Variants in MBD5 observed in about 807,000 individuals in gnomAD.
MBD5 encodes the protein methyl-CpG binding domain protein 5, also known as methyl-CpG-binding domain protein 5.
A neutral mutation model predicts 117.3 loss-of-function variants in MBD5; 13 were observed. The observed-to-expected ratio is 0.11, with a 90% CI of 0.07 to 0.18. The LOEUF is 0.18. Among genes scored for constraint, MBD5 ranks in the 10% least tolerant of loss-of-function variants. MBD5 has a pLI of 1.00. For missense variants in MBD5, 1,879 were observed against 2,093.8 expected, an observed-to-expected ratio of 0.90 and a Z score of 2.00; for synonymous variants, 727 against 766.4, an observed-to-expected ratio of 0.95 and a Z score of 0.85.
intron 4 of MBD5, among the ~76,000 whole-genome samples, chr2:148,383,511 G>A (rs1001810196): frequency 3.3e-5 from 5 of 151,978 alleles, no homozygotes; most frequent in African/African-American, 9.7e-5. Context: ...ATTCACAGTC[G>A]AATTCTACCA....
At chr2:148,405,033 G>A (rs918325590) in intron 4 of MBD5, among the ~76,000 whole-genome samples, 2 of 152,030 alleles carry the variant, frequency 1.3e-5, no homozygotes, top group Non-Finnish European at 2.9e-5. Flanking sequence ...TTCTGGACTT[G>A]ATAAACATTT....
intron 3 of MBD5, among the ~76,000 whole-genome samples, chr2:148,315,506 A>C (rs993268728): frequency 1.3e-5 from 2 of 152,208 alleles, no homozygotes; most frequent in Non-Finnish European, 2.9e-5. Flanking sequence ...AAGATGCTTC[A>C]TGTTTATCCT....
chr2:148,221,339 T>C (rs182411771), intron 2 of MBD5, among the ~76,000 whole-genome samples: 1 of 152,112 alleles, frequency 6.6e-6, no homozygotes, highest in African/African-American at 2.4e-5. Context: ...TTGAGGAACC[T>C]CCAGACTGTT....
At chr2:148,363,878 C>A (rs1445254465) in intron 4 of MBD5, among the ~76,000 whole-genome samples, 1 of 152,108 alleles carries the variant, frequency 6.6e-6, no homozygotes, top group Non-Finnish European at 1.5e-5. Flanking sequence ...GATTGGTGTA[C>A]CTGAAAGTGA....
intron 2 of MBD5, among the ~76,000 whole-genome samples, chr2:148,232,501 G>A (rs931081763): frequency 2.0e-5 from 3 of 151,916 alleles, no homozygotes; most frequent in African/African-American, 7.3e-5. Context: ...TTTCAAGAAA[G>A]CGTCTCACTG....
At chr2:148,221,042 C>T (rs1163947708) in intron 2 of MBD5, among the ~76,000 whole-genome samples, 1 of 152,152 alleles carries the variant, frequency 6.6e-6, no homozygotes, top group Non-Finnish European at 1.5e-5. Context: ...CTTTGTCTTT[C>T]TGTCCCTGGC....
intron 4 of MBD5, chr2:148,393,328 A>G (rs907386047): frequency 5.9e-5 from 9 of 152,206 alleles, no homozygotes; most frequent in Non-Finnish European, 1.5e-5. Context: ...TCAACTACCT[A>G]CAATGAAGAA....
chr2:148,492,416 A>G (rs1049186970), intron 11 of MBD5, among the ~76,000 whole-genome samples: 3 of 152,038 alleles, frequency 2.0e-5, no homozygotes, highest in African/African-American at 7.3e-5. Context: ...AAGATATACT[A>G]TATACTAAAA....
At chr2:148,463,963 A>G (rs1360728630) in intron 7 of MBD5, 44 bp downstream of exon 7, 2 of 1,588,534 alleles carry the variant, frequency 1.3e-6, no homozygotes, top group Non-Finnish European at 1.7e-6. Context: ...CTCTCCCTAG[A>G]GAAGGAGTTG....
intron 3 of MBD5, among the ~76,000 whole-genome samples, chr2:148,315,858 C>A (rs1049756890): frequency 2.0e-5 from 3 of 152,182 alleles, no homozygotes; most frequent in Admixed American, 6.5e-5. Context: ...AATTTTAACA[C>A]CAGTTTCATT....
chr2:148,484,678 T>C (rs1268938226), intron 9 of MBD5, among the ~76,000 whole-genome samples: 1 of 152,250 alleles, frequency 6.6e-6, no homozygotes, highest in Admixed American at 6.5e-5. Flanking sequence ...ACAGCCCCTC[T>C]AGCTGCTACT....
chr2:148,087,158 G>A (rs1178275962), intron 1 of MBD5, among the ~76,000 whole-genome samples: 1 of 152,154 alleles, frequency 6.6e-6, no homozygotes, highest in Non-Finnish European at 1.5e-5. Context: ...AAAACTGAAA[G>A]AAATCACCAA....
chr2:148,400,026 C>G (rs890568221), intron 4 of MBD5, among the ~76,000 whole-genome samples: 13 of 151,982 alleles, frequency 8.6e-5, no homozygotes, highest in African/African-American at 3.1e-4. Context: ...GGTGGATAAG[C>G]TTTTTGATGT....
chr2:148,180,109 G>A (rs1395083514), intron 2 of MBD5, among the ~76,000 whole-genome samples: 4 of 151,542 alleles, frequency 2.6e-5, no homozygotes, highest in South Asian at 4.2e-4. Context: ...GTGGTTAACT[G>A]TTTAATGATT....
At chr2:148,081,675 T>C (rs1695652317) in intron 1 of MBD5, among the ~76,000 whole-genome samples, 1 of 152,112 alleles carries the variant, frequency 6.6e-6, no homozygotes, top group Non-Finnish European at 1.5e-5. Flanking sequence ...TCTCCTTTTT[T>C]TCAAATGGAC....
At chr2:148,354,097 A>G (rs1703312301) in intron 4 of MBD5, among the ~76,000 whole-genome samples, 1 of 152,114 alleles carries the variant, frequency 6.6e-6, no homozygotes, top group Non-Finnish European at 1.5e-5. Flanking sequence ...ATCTTTTAAA[A>G]AAATTTTTTT....
Position 148,309,869 on chromosome 2 carries a change from G to C in MBD5, c.-679-32345G>C, listed in dbSNP as rs535827299. 3.1e-4 allele frequency among the ~76,000 whole-genome samples: 47 copies of C among 152,144 alleles called. No homozygotes were observed. The East Asian group carries it at 7.3e-3, about 24-fold the overall frequency. On this transcript the variant is annotated intron_variant, in intron 3 of 13. Transcript: ENST00000642680. ...TTTATTGAGAGTTTTTAGCATGAAG[G>C]GTTGTTGAATTTTATCAAAGGCCTT...
intron 1 of MBD5, chr2:148,054,267 C>T (rs759147386): frequency 1.3e-5 from 2 of 152,192 alleles, no homozygotes; most frequent in Non-Finnish European, 2.9e-5. Context: ...TCAAGAATTA[C>T]TCTGAGGCTA....
intron 1 of MBD5, among the ~76,000 whole-genome samples, chr2:148,173,262 T>G (rs1698306682): frequency 6.6e-6 from 1 of 152,050 alleles, no homozygotes. Flanking sequence ...ATCTCCAAGC[T>G]TCCACGAGCC....
Sources: allele counts gnomAD v4.1 joint callset (sites outside exome capture counted in the v4.1 genomes callset), GRCh38; gene constraint gnomAD v4.1.1; transcripts MANE v1.5; gene names NCBI Gene and HGNC (gene_info 2026-07-23, HGNC 2026-07-21).